BCLAF3: variants seen among roughly 807,000 people sequenced by gnomAD.
The protein encoded by BCLAF3 is BCLAF1 and THRAP3 family member 3.
Under a neutral mutation model 51.2 loss-of-function variants are expected in BCLAF3, and 24 were observed. The observed-to-expected ratio is 0.47, with a 90% CI of 0.34 to 0.66. BCLAF3 has a LOEUF of 0.66. Ranked by LOEUF, BCLAF3 falls within the 30% of genes least tolerant of loss-of-function variation. The pLI, the probability that BCLAF3 is intolerant of heterozygous loss-of-function variation, is 0.01. For missense variants in BCLAF3, 465 were observed against 525.1 expected, an observed-to-expected ratio of 0.89 and a Z score of 1.12; for synonymous variants, 152 against 176.6, an observed-to-expected ratio of 0.86 and a Z score of 1.10.
intron 10 of BCLAF3, among the ~76,000 whole-genome samples, chrX:19,934,025 C>T (rs139360726): frequency 0.022 from 2,430 of 111,569 alleles, 28 homozygotes; most frequent in Non-Finnish European, 0.034. Flanking sequence ...ATCCACCCGT[C>T]TCAGCAACCC....
At position 19,987,177 on chromosome X, in the gene BCLAF3, G is replaced by A. The variant is rs1264897219; in HGVS notation, c.-35+3731C>T. ...GATCTAAAGTAGAATGATAGTCATA[G>A]CAGAGATGAGTCTAAGTCCAATTAG... On this transcript the variant is annotated intron_variant, in intron 1 of 11. Coordinates refer to ENST00000379682, the MANE Select transcript of BCLAF3 (RefSeq NM_001367774.2). 3.6e-5 allele frequency among the ~76,000 whole-genome samples: 4 copies of A among 111,516 alleles called. No individual in the cohort carries two copies. In the East Asian group the frequency reaches 1.1e-3, roughly 31 times the overall value.
chrX:19,940,569 T>C (rs2070983984), intron 8 of BCLAF3, among the ~76,000 whole-genome samples: 1 of 110,963 alleles, frequency 9.0e-6, no homozygotes, highest in South Asian at 3.8e-4. Context: ...TGATTTCCAA[T>C]TTCATCCATG....
chrX:19,950,178 T>C (rs1260559043), intron 8 of BCLAF3, among the ~76,000 whole-genome samples: 2 of 111,980 alleles, frequency 1.8e-5, no homozygotes, highest in East Asian at 2.8e-4. Flanking sequence ...TTGTCCAAGA[T>C]CGGTCAGCTT....
intron 1 of BCLAF3, among the ~76,000 whole-genome samples, chrX:19,979,585 G>T (rs2072543793): frequency 9.1e-6 from 1 of 110,414 alleles, no homozygotes; most frequent in Non-Finnish European, 1.9e-5. Context: ...AACCAAACCC[G>T]CAATATCTCT....
chrX:19,944,593 A>T (rs1446341226), intron 8 of BCLAF3, among the ~76,000 whole-genome samples: 1 of 81,389 alleles, frequency 1.2e-5, no homozygotes, highest in Admixed American at 1.1e-4. Flanking sequence ...AAGAATGTTG[A>T]ATATTGGCCC....
In BCLAF3 at chrX:19,917,296, G is replaced by A. The variant is rs780515329; in HGVS notation, c.*9C>T. On this transcript the variant is annotated 3_prime_UTR_variant, in exon 12 of 12. Transcript: ENST00000379682. ...CCTGTAGCGTCATTTCCATTTGTAC[G>A]ATTTCAGATTAGATTCCTGTGGCAA... 6.8e-5 allele frequency: 81 copies of A among 1,196,573 alleles called. No homozygotes were observed. The highest frequency in any genetic ancestry group is 8.7e-5 in the Non-Finnish European group (77 of 884,886).
intron 4 of BCLAF3, among the ~76,000 whole-genome samples, chrX:19,963,077 C>T (rs1358655715): frequency 2.8e-5 from 3 of 108,256 alleles, no homozygotes; most frequent in Middle Eastern, 4.7e-3. Context: ...AGAGCGTGAC[C>T]CTGTCTCAAA....
At chrX:19,920,845 C>T (rs932579980) in intron 11 of BCLAF3, among the ~76,000 whole-genome samples, 1 of 108,218 alleles carries the variant, frequency 9.2e-6, no homozygotes, top group Non-Finnish European at 1.9e-5. Flanking sequence ...AAATGCTTAG[C>T]GAGGCACCCT....
rs141510254 is a variant in BCLAF3 at position 19,970,818 on chromosome X, C to T, written c.-34-520G>A. On this transcript the variant is annotated intron_variant, in intron 1 of 11. Coordinates refer to ENST00000379682, the MANE Select transcript of BCLAF3 (RefSeq NM_001367774.2). ...CAAGTGGGTCATACAAAAATAGGCC[C>T]GGCAAGTCAAATGCATTGTAGTTTA... 3.8e-3 allele frequency among the ~76,000 whole-genome samples: 421 copies of T among 111,188 alleles called. 1 individual carries two copies. The highest frequency in any genetic ancestry group is 9.2e-3 in the Middle Eastern group (2 of 217).
Position 19,914,586 on chromosome X carries a change from C to A in BCLAF3, c.*2719G>T, listed in dbSNP as rs1242266451. The stretch of plus-strand genomic sequence containing the variant: ...GTATACATCTACATAAATTGTTACA[C>A]ATAAATGTAGCGAGTTTTTTTCCAA... On this transcript the variant is annotated 3_prime_UTR_variant, in exon 12 of 12. Coordinates refer to ENST00000379682, the MANE Select transcript of BCLAF3 (RefSeq NM_001367774.2). 9.1e-6 allele frequency: 1 copy of A among 110,316 alleles called. No individual in the cohort carries two copies. The highest frequency in any genetic ancestry group is 9.8e-5 in the Admixed American group (1 of 10,228). 9.1% of individuals were successfully genotyped at this position (110,316 alleles called of 1,213,427 possible).
chrX:19,920,832 A>G (rs1180214983), intron 11 of BCLAF3, among the ~76,000 whole-genome samples: 3 of 110,430 alleles, frequency 2.7e-5, no homozygotes, highest in African/African-American at 9.9e-5. Context: ...AAAAAAAAAA[A>G]AAAAATGCTT....
At chrX:19,977,565 G>A (rs2072468629) in intron 1 of BCLAF3, among the ~76,000 whole-genome samples, 1 of 112,203 alleles carries the variant, frequency 8.9e-6, no homozygotes, top group African/African-American at 3.2e-5. Context: ...AAGCAAAGTT[G>A]GAAGTTAGCA....
At chrX:19,970,429 T>C (rs780743867) in intron 1 of BCLAF3, 131 bp from the exon 2 acceptor site, 3 of 484,951 alleles carry the variant, frequency 6.2e-6, no homozygotes, top group Admixed American at 6.3e-5. Flanking sequence ...GAAATGATAA[T>C]AATAGCACCC....
intron 4 of BCLAF3, among the ~76,000 whole-genome samples, chrX:19,962,787 T>C (rs1048943022): frequency 5.4e-5 from 6 of 112,029 alleles, no homozygotes; most frequent in Non-Finnish European, 9.4e-5. Context: ...GAATGTTGGA[T>C]AGAAAAAAAG....
At chrX:19,966,899 C>T (rs1017449814) in intron 2 of BCLAF3, among the ~76,000 whole-genome samples, 19 of 111,372 alleles carry the variant, frequency 1.7e-4, no homozygotes, top group Non-Finnish European at 2.4e-4. Context: ...GAGCTGAGCA[C>T]ACCTGTCCCA....
intron 4 of BCLAF3, among the ~76,000 whole-genome samples, chrX:19,964,183 C>T (rs1047706227): frequency 2.7e-5 from 3 of 109,914 alleles, no homozygotes; most frequent in African/African-American, 1.0e-4. Context: ...ATCAACATGG[C>T]CCCCCCCTTT....
chrX:19,991,050 G>A lies in BCLAF3; in HGVS notation c.-177C>T, dbSNP rs1179626488. On this transcript the variant is annotated 5_prime_UTR_variant, in exon 1 of 12. Coordinates refer to ENST00000379682, the MANE Select transcript of BCLAF3 (RefSeq NM_001367774.2). ...CCCCAGCCACCTCTGCCGGGCCGCG[G>A]GACCCGGAACCACTTCCTTCCGGAA... Among the ~76,000 whole-genome samples the A allele has an allele frequency of 1.8e-5, 2 of 109,593 alleles. No homozygotes were observed. The highest frequency in any genetic ancestry group is 1.9e-4 in the Admixed American group (2 of 10,542).
At chrX:19,921,966 A>G (rs1258314842) in intron 11 of BCLAF3, among the ~76,000 whole-genome samples, 1 of 110,535 alleles carries the variant, frequency 9.0e-6, no homozygotes, top group Non-Finnish European at 1.9e-5. Flanking sequence ...TCATGCCATT[A>G]CACTCCAGCC....
In BCLAF3 at chrX:19,952,974, T is replaced by C. The variant is rs759508118; in HGVS notation, c.1629+14A>G. ...CAATAAGATAATTTCTCATCAAAAA[T>C]TGTATTCACTAACCTGTTCCGATTC... On this transcript the variant is annotated intron_variant, in intron 7 of 11. Coordinates refer to ENST00000379682, the MANE Select transcript of BCLAF3 (RefSeq NM_001367774.2). 4 of 1,189,302 alleles carry C rather than the reference T, an allele frequency of 3.4e-6. No individual in the cohort carries two copies. The highest frequency in any genetic ancestry group is 1.8e-5 in the South Asian group (1 of 54,636).
Sources: allele counts gnomAD v4.1 joint callset (sites outside exome capture counted in the v4.1 genomes callset), GRCh38; gene constraint gnomAD v4.1.1; transcripts MANE v1.5; gene names NCBI Gene and HGNC (gene_info 2026-07-23, HGNC 2026-07-21).